Variants in DISP1 observed in about 807,000 individuals in gnomAD.
DISP1 encodes protein dispatched homolog 1.
In DISP1, 30 loss-of-function variants were observed where a neutral mutation model predicts 37.3. That is an observed-to-expected ratio of 0.80 (90% CI 0.60 to 1.09). The LOEUF (loss-of-function observed/expected upper bound fraction) is 1.09, where lower values mean the gene tolerates loss of function less well. Among genes scored for constraint, DISP1 ranks in the 50% least tolerant of loss-of-function variants. The pLI is 0.00. For missense variants in DISP1, 1,598 were observed against 1,879.5 expected, an observed-to-expected ratio of 0.85 and a Z score of 2.77; for synonymous variants, 634 against 690.2, an observed-to-expected ratio of 0.92 and a Z score of 1.28.
intron 1 of DISP1, among the ~76,000 whole-genome samples, chr1:222,895,576 TG>T (rs1464923286): frequency 5.1e-4 from 78 of 152,366 alleles, no homozygotes; most frequent in African/African-American, 1.8e-3. Context: ...GAATAATTAA[TG>T]TACATTTTAT....
In DISP1 at chr1:223,004,616, C is replaced by T. The variant is rs1487670657; in HGVS notation, c.3219C>T (p.Ile1073=). ...APDPDREGKV[I]FSLSRVGSAM... The stretch of plus-strand genomic sequence containing the variant: ...ATCCCGACCGAGAAGGCAAAGTGAT[C>T]TTCTCTCTGAGTCGCGTGGGCTCTG... The change falls in exon 9 of 9, where the codon ATC becomes ATT. Residue 1073 remains isoleucine, a synonymous_variant. Transcript: ENST00000675850. The surrounding 1 kb of genome is among the most constrained non-coding windows in gnomAD (Gnocchi z 4.9). The T allele has an allele frequency of 1.9e-6, 3 of 1,613,886 alleles. No individual in the cohort carries two copies. The highest frequency in any genetic ancestry group is 2.5e-6 in the Non-Finnish European group (3 of 1,179,894).
intron 1 of DISP1, among the ~76,000 whole-genome samples, chr1:222,872,107 G>C (rs1334973484): frequency 6.6e-6 from 1 of 151,898 alleles, no homozygotes; most frequent in Non-Finnish European, 1.5e-5. Flanking sequence ...TTTTCATGTT[G>C]AATCAGCCTT....
intron 8 of DISP1, among the ~76,000 whole-genome samples, chr1:222,997,298 C>T (rs994909789): frequency 6.6e-6 from 1 of 152,104 alleles, no homozygotes; most frequent in African/African-American, 2.4e-5. Context: ...TCTGTAACCT[C>T]CCAGCAGCCA....
intron 4 of DISP1, among the ~76,000 whole-genome samples, chr1:222,990,259 T>C (rs1351097028): frequency 6.6e-6 from 1 of 152,240 alleles, no homozygotes; most frequent in Non-Finnish European, 1.5e-5. Context: ...TGTTAAAATT[T>C]ATTTTCTTTC....
In DISP1 at chr1:222,925,173, A is replaced by T. The variant is rs1673013488; in HGVS notation, c.-158-3257A>T. ...CTTGTCTATTTTTACATGGACCCCAAATGTTTAAATGAAGTGATTAGACAT... is the reference window on the plus strand; with the variant it reads ...CTTGTCTATTTTTACATGGACCCCATATGTTTAAATGAAGTGATTAGACAT... On this transcript the variant is annotated intron_variant, in intron 1 of 8. Coordinates refer to ENST00000675850, the MANE Select transcript of DISP1 (RefSeq NM_001377229.1). 2.0e-5 allele frequency among the ~76,000 whole-genome samples: 3 copies of T among 152,246 alleles called. No individual in the cohort carries two copies. The South Asian group carries it at 6.2e-4, about 32-fold the overall frequency.
intron 1 of DISP1, among the ~76,000 whole-genome samples, chr1:222,926,928 C>G (rs1290055671): frequency 2.6e-5 from 4 of 152,122 alleles, no homozygotes; most frequent in Admixed American, 6.6e-5. Context: ...TCTGCCAATT[C>G]ACATGTCTGA....
intron 1 of DISP1, chr1:222,872,553 T>A: frequency 6.6e-6 from 1 of 152,236 alleles, no homozygotes. Flanking sequence ...TTTTCTAGTT[T>A]ATTTGCGTAG....
Position 223,003,765 on chromosome 1 carries a change from ATCTGGGGCGTG to A in DISP1, c.2371_2381del (p.Trp791ProfsTer13). The A allele has an allele frequency of 6.2e-7, 1 of 1,614,160 alleles. No homozygotes were observed. The highest frequency in any genetic ancestry group is 8.5e-7 in the Non-Finnish European group (1 of 1,180,026). On this transcript the variant is annotated frameshift_variant, in exon 9 of 9. Coordinates refer to ENST00000675850, the MANE Select transcript of DISP1 (RefSeq NM_001377229.1). LOFTEE classifies it low-confidence loss of function (END_TRUNC). This position sits in a 1 kb window ranked among gnomAD's most constrained non-coding sequence, Gnocchi z 4.3. ...GGAGCTCCACATGCCCATCACAGTA[ATCTGGGGCGTG>A]TCCCCAGAAGACAATGGCAACCCAC...
intron 1 of DISP1, among the ~76,000 whole-genome samples, chr1:222,922,304 A>G (rs1172054205): frequency 2.6e-5 from 4 of 152,144 alleles, no homozygotes; most frequent in African/African-American, 9.7e-5. Context: ...GAGAAGCTCT[A>G]TGTTGCTTAG....
chr1:222,974,648 T>C (rs1400168445), intron 3 of DISP1, among the ~76,000 whole-genome samples: 2 of 152,128 alleles, frequency 1.3e-5, no homozygotes, highest in African/African-American at 4.8e-5. Flanking sequence ...ATTTAGGAAA[T>C]GCATCACACA....
intron 2 of DISP1, among the ~76,000 whole-genome samples, chr1:222,932,754 A>G (rs1673482469): frequency 6.6e-6 from 1 of 151,980 alleles, no homozygotes; most frequent in Non-Finnish European, 1.5e-5. Flanking sequence ...TGTGGAGAGA[A>G]GTGGTAAATA....
chr1:222,824,898 A>C (rs1663918799), intron 1 of DISP1, among the ~76,000 whole-genome samples: 1 of 152,192 alleles, frequency 6.6e-6, no homozygotes, highest in Non-Finnish European at 1.5e-5. Context: ...AGTTATTGCC[A>C]GCTGAAAAGG....
At chr1:222,836,762 T>TATACAC (rs1014185520) in intron 1 of DISP1, among the ~76,000 whole-genome samples, 3 of 147,550 alleles carry the variant, frequency 2.0e-5, no homozygotes, top group African/African-American at 7.5e-5. Flanking sequence ...TATATATATA[T>TATACAC]ACACACACAC....
At chr1:222,971,786 C>T (rs570662119) in intron 3 of DISP1, among the ~76,000 whole-genome samples, 1 of 152,028 alleles carries the variant, frequency 6.6e-6, no homozygotes, top group African/African-American at 2.4e-5. Flanking sequence ...GCAAACATAT[C>T]TTCACTGAGG....
chr1:222,855,250 C>A (rs75792135), intron 1 of DISP1, among the ~76,000 whole-genome samples: 5,723 of 152,228 alleles, frequency 0.038, 160 homozygotes, highest in Non-Finnish European at 0.057. Flanking sequence ...TCCCTCTGCC[C>A]CTCTCACACA....
intron 1 of DISP1, among the ~76,000 whole-genome samples, chr1:222,866,584 C>T (rs1240773299): frequency 1.3e-5 from 2 of 152,090 alleles, no homozygotes; most frequent in Non-Finnish European, 2.9e-5. Context: ...ACCTTGTGAT[C>T]CGCCCCACTA....
chr1:222,920,994 A>G (rs1371291709), intron 1 of DISP1, among the ~76,000 whole-genome samples: 1 of 152,178 alleles, frequency 6.6e-6, no homozygotes, highest in African/African-American at 2.4e-5. Context: ...ACACTTTATC[A>G]CAGAAATCAT....
At chr1:222,986,221 G>T (rs1342510034) in intron 4 of DISP1, among the ~76,000 whole-genome samples, 2 of 152,020 alleles carry the variant, frequency 1.3e-5, no homozygotes, top group Non-Finnish European at 2.9e-5. Context: ...TGTGGGCACT[G>T]AATTATACCA....
intron 1 of DISP1, among the ~76,000 whole-genome samples, chr1:222,903,019 C>T (rs1437468266): frequency 1.3e-5 from 2 of 151,874 alleles, no homozygotes; most frequent in Non-Finnish European, 2.9e-5. Flanking sequence ...TGTTGCGGCA[C>T]TATTCACAAT....
Sources: allele counts gnomAD v4.1 joint callset (sites outside exome capture counted in the v4.1 genomes callset), GRCh38; gene constraint gnomAD v4.1.1; non-coding constraint Gnocchi (gnomAD v3.1); transcripts MANE v1.5; gene names NCBI Gene and HGNC (gene_info 2026-07-23, HGNC 2026-07-21).